Variants in RHOA observed in about 807,000 individuals in gnomAD.
RHOA encodes the protein ras homolog family member A.
RHOA carries 3 observed loss-of-function variants against 17.5 expected under a neutral mutation model. The ratio of observed to expected loss-of-function variants is 0.17; its 90% CI spans 0.08 to 0.44. The LOEUF (loss-of-function observed/expected upper bound fraction) is 0.44. RHOA is among the 20% of genes least tolerant of loss of function. RHOA has a pLI of 0.99. For synonymous variants in RHOA, 98 were observed against 88.4 expected (o/e 1.11, Z -0.61); for missense variants, 56 against 242.3 (o/e 0.23, Z 5.10).
intron 1 of RHOA, among the ~76,000 whole-genome samples, chr3:49,378,240 CTTTTTT>C (rs71077802): frequency 2.1e-4 from 13 of 60,680 alleles, no homozygotes; most frequent in African/African-American, 4.3e-4. Context: ...ATCCATCTAT[CTTTTTT>C]TTTTTTTTTT....
intron 1 of RHOA, among the ~76,000 whole-genome samples, chr3:49,394,029 C>A (rs1371877279): frequency 1.3e-5 from 2 of 151,952 alleles, no homozygotes; most frequent in African/African-American, 4.8e-5. Context: ...CGCCAACACG[C>A]CTGGCTAATT....
chr3:49,368,231 A>G (rs191029179), intron 3 of RHOA, among the ~76,000 whole-genome samples, 197 bp downstream of exon 3: 8 of 152,222 alleles, frequency 5.3e-5, no homozygotes, highest in Non-Finnish European at 1.2e-4. Flanking sequence ...TACATTTTAA[A>G]TACAGTACCC....
At chr3:49,362,464 A>C (rs1414390265) in intron 4 of RHOA, 32 bp downstream of exon 4, 8 of 1,540,368 alleles carry the variant, frequency 5.2e-6, no homozygotes, top group Middle Eastern at 1.7e-4. Flanking sequence ...TAGTTCAAGA[A>C]TACTACAAGA....
intron 3 of RHOA, among the ~76,000 whole-genome samples, chr3:49,365,900 T>C (rs1388810976): frequency 6.6e-6 from 1 of 151,966 alleles, no homozygotes; most frequent in Non-Finnish European, 1.5e-5. Context: ...CTAAAAAATA[T>C]AAAAATTAAC....
chr3:49,375,596 AAC>A lies in RHOA; in HGVS notation c.-2-7_-2-6del. On this transcript the variant is annotated splice_region_variant and splice_polypyrimidine_tract_variant and intron_variant, in intron 1 of 4. Coordinates refer to ENST00000418115, the MANE Select transcript of RHOA (RefSeq NM_001664.4). ...TCTTCCGGATGGCAGCCATTGCTGA[AAC>A]ACAAAACACAGATATTACCTGCAAT... 1 of 1,612,740 alleles carries A rather than the reference AAC, an allele frequency of 6.2e-7. No homozygotes were observed. Among genetic ancestry groups the A allele is most frequent in the Non-Finnish European group, 8.5e-7 (1 of 1,179,306 alleles).
At chr3:49,391,630 G>A (rs531295488) in intron 1 of RHOA, among the ~76,000 whole-genome samples, 19 of 151,634 alleles carry the variant, frequency 1.3e-4, no homozygotes, top group African/African-American at 4.6e-4. Flanking sequence ...TACAACCTCC[G>A]CCTCCCCGGT....
At chr3:49,372,716 AGAGC>A (rs2048165524) in intron 2 of RHOA, among the ~76,000 whole-genome samples, 1 of 139,482 alleles carries the variant, frequency 7.2e-6, no homozygotes, top group African/African-American at 2.7e-5. Context: ...CCTGGGCGAC[AGAGC>A]GAGACTCTGT....
intron 1 of RHOA, among the ~76,000 whole-genome samples, chr3:49,409,213 G>A (rs1181889921): frequency 1.4e-4 from 21 of 151,672 alleles, no homozygotes; most frequent in Non-Finnish European, 2.8e-4. Context: ...TGGCCAACAC[G>A]GTGAAACCCC....
At chr3:49,385,980 C>CT (rs2048389292) in intron 1 of RHOA, among the ~76,000 whole-genome samples, 1 of 152,152 alleles carries the variant, frequency 6.6e-6, no homozygotes, top group Non-Finnish European at 1.5e-5. Flanking sequence ...ATTACTGTTG[C>CT]TTTGCAGTAA....
chr3:49,399,764 C>T (rs1279133475), intron 1 of RHOA, among the ~76,000 whole-genome samples: 1 of 152,056 alleles, frequency 6.6e-6, no homozygotes, highest in African/African-American at 2.4e-5. Flanking sequence ...GCCATATATC[C>T]TTTTGCACTG....
At chr3:49,380,103 TGG>T (rs2048293297) in intron 1 of RHOA, among the ~76,000 whole-genome samples, 2 of 152,212 alleles carry the variant, frequency 1.3e-5, no homozygotes, top group African/African-American at 4.8e-5. Context: ...CAGTATGTTG[TGG>T]GACTTCCAGA....
At chr3:49,380,803 G>T (rs2048304505) in intron 1 of RHOA, among the ~76,000 whole-genome samples, 1 of 150,996 alleles carries the variant, frequency 6.6e-6, no homozygotes, top group Non-Finnish European at 1.5e-5. Context: ...GGTACCAGAA[G>T]AAAACTCAGA....
At chr3:49,388,332 G>A (rs1447212888) in intron 1 of RHOA, among the ~76,000 whole-genome samples, 1 of 152,130 alleles carries the variant, frequency 6.6e-6, no homozygotes, top group African/African-American at 2.4e-5. Flanking sequence ...GTGGAGCCAT[G>A]ACATCCAGCC....
intron 3 of RHOA, among the ~76,000 whole-genome samples, chr3:49,368,135 CTCCTGACCCTCAGGTGA>C (rs2048089215): frequency 1.3e-5 from 2 of 152,210 alleles, no homozygotes; most frequent in Admixed American, 6.6e-5. Context: ...TGGTCTTGAA[CTCCTGACCCTCAGGTGA>C]TCCACCCGTC....
chr3:49,391,480 C>T (rs1404945904), intron 1 of RHOA, among the ~76,000 whole-genome samples: 2 of 152,066 alleles, frequency 1.3e-5, no homozygotes, highest in African/African-American at 2.4e-5. Context: ...GTCTGGATTG[C>T]ATTCAATCCT....
intron 1 of RHOA, among the ~76,000 whole-genome samples, chr3:49,387,998 T>C (rs998439748): frequency 1.3e-5 from 2 of 151,694 alleles, no homozygotes; most frequent in African/African-American, 4.8e-5. Context: ...AGGAAGGGGA[T>C]GGCTTTCTCT....
chr3:49,361,015 GT>G, intron 4 of RHOA: 2 of 232,562 alleles, frequency 8.6e-6, no homozygotes, highest in South Asian at 3.5e-5. Flanking sequence ...GGAGGTTGCA[GT>G]TGAGCCAAGA....
chr3:49,368,277 C>T (rs756442719), intron 3 of RHOA, 151 bp downstream of exon 3: 80 of 932,362 alleles, frequency 8.6e-5, no homozygotes, highest in African/African-American at 5.0e-5. Flanking sequence ...CCAAGGCCCA[C>T]GCTCTACAAT....
At chr3:49,360,759 A>C (rs2047953096) in intron 4 of RHOA, among the ~76,000 whole-genome samples, 1 of 142,090 alleles carries the variant, frequency 7.0e-6, no homozygotes, top group Non-Finnish European at 1.5e-5. Flanking sequence ...TACCCAGCCT[A>C]AAAAAAAAAA....
Sources: allele counts gnomAD v4.1 joint callset (sites outside exome capture counted in the v4.1 genomes callset), GRCh38; gene constraint gnomAD v4.1.1; transcripts MANE v1.5; gene names NCBI Gene and HGNC (gene_info 2026-07-23, HGNC 2026-07-21).